MCM9: variants seen among roughly 807,000 people sequenced by gnomAD.
MCM9 encodes the protein DNA helicase MCM9.
Under a neutral mutation model 72.8 loss-of-function variants are expected in MCM9, and 55 were observed. The observed-to-expected ratio is 0.76, with a 90% CI of 0.61 to 0.95. MCM9 has a LOEUF of 0.95. MCM9 is among the 40% of genes least tolerant of loss of function. The probability of loss-of-function intolerance (pLI) is 0.00; values close to 1 mark genes in which losing one functional copy is unlikely to be tolerated. For missense variants in MCM9, 1,279 were observed against 1,377.0 expected (o/e 0.93, Z 1.13); for synonymous variants, 480 against 503.4 (o/e 0.95, Z 0.62).
chr6:118,828,365 T>G (rs1774307262), intron 10 of MCM9, among the ~76,000 whole-genome samples: 2 of 152,222 alleles, frequency 1.3e-5, no homozygotes, highest in East Asian at 3.9e-4. Context: ...GTCTGCCCAG[T>G]AATCAATAAT....
At chr6:118,830,771 C>T (rs944110995) in intron 9 of MCM9, among the ~76,000 whole-genome samples, 2 of 152,122 alleles carry the variant, frequency 1.3e-5, no homozygotes, top group Non-Finnish European at 2.9e-5. Context: ...TCTGACCAAC[C>T]AATATTTATA....
intron 9 of MCM9, among the ~76,000 whole-genome samples, chr6:118,844,943 AC>A (rs1409555958): frequency 1.3e-5 from 2 of 151,754 alleles, no homozygotes; most frequent in Non-Finnish European, 2.9e-5. Context: ...CAAGCACATA[AC>A]CCCACAATTC....
chr6:118,854,837 G>A (rs1776455393), intron 9 of MCM9, among the ~76,000 whole-genome samples: 1 of 152,052 alleles, frequency 6.6e-6, no homozygotes, highest in African/African-American at 2.4e-5. Context: ...TTTCATTTCT[G>A]GGATAAGACC....
chr6:118,853,918 T>TAA (rs1776391578), intron 9 of MCM9, among the ~76,000 whole-genome samples: 1 of 152,204 alleles, frequency 6.6e-6, no homozygotes, highest in Non-Finnish European at 1.5e-5. Flanking sequence ...TTAAGTCCTT[T>TAA]TTAATTTTCT....
intron 6 of MCM9, among the ~76,000 whole-genome samples, chr6:118,917,193 T>C (rs1289954189): frequency 1.3e-5 from 2 of 152,206 alleles, no homozygotes; most frequent in African/African-American, 2.4e-5. Flanking sequence ...ATCTTTATTA[T>C]TGAAAATACA....
At chr6:118,915,570 T>G (rs1192884212) in intron 6 of MCM9, among the ~76,000 whole-genome samples, 1 of 152,138 alleles carries the variant, frequency 6.6e-6, no homozygotes, top group Non-Finnish European at 1.5e-5. Flanking sequence ...GATCAGGTCT[T>G]AAGCAAGTCA....
chr6:118,830,891 C>G (rs1384126405), intron 9 of MCM9, among the ~76,000 whole-genome samples: 1 of 152,126 alleles, frequency 6.6e-6, no homozygotes, highest in Non-Finnish European at 1.5e-5. Context: ...AGAGGTGGAG[C>G]AGAGTGCCTG....
In MCM9 at chr6:118,911,649, C is replaced by T. The variant is rs1780557352; in HGVS notation, c.1150+1G>A. On this transcript the variant is annotated splice_donor_variant, in intron 8 of 13. Transcript: ENST00000619706. LOFTEE classifies it high-confidence loss of function. ...TTACTTGAAATTGTCACATACAATA[C>T]CTGCACTAGTAGATCCAATTCCTGT... 1.2e-6 allele frequency: 2 copies of T among 1,607,554 alleles called. No individual in the cohort carries two copies. The highest frequency in any genetic ancestry group is 1.7e-5 in the Admixed American group (1 of 59,432).
intron 13 of MCM9, among the ~76,000 whole-genome samples, chr6:118,820,805 C>T (rs943612402): frequency 1.3e-5 from 2 of 152,094 alleles, no homozygotes; most frequent in African/African-American, 2.4e-5. Context: ...TCTGGGTGCT[C>T]CTGTATTGGG....
chr6:118,830,936 G>A (rs1195699216), intron 9 of MCM9, among the ~76,000 whole-genome samples: 1 of 152,210 alleles, frequency 6.6e-6, no homozygotes, highest in Non-Finnish European at 1.5e-5. Context: ...GCTGGTGTCA[G>A]TATCAGCATT....
At chr6:118,894,968 G>C (rs929203275) in intron 8 of MCM9, among the ~76,000 whole-genome samples, 2 of 152,126 alleles carry the variant, frequency 1.3e-5, no homozygotes. Flanking sequence ...ACCCCGAGTC[G>C]AGAATTGGGC....
At chr6:118,832,077 A>T (rs558640832) in intron 9 of MCM9, among the ~76,000 whole-genome samples, 58 of 152,210 alleles carry the variant, frequency 3.8e-4, no homozygotes, top group Non-Finnish European at 2.9e-5. Context: ...TATTTTTTTT[A>T]AAAGACATGG....
At chr6:118,878,614 T>C (rs942016904) in intron 8 of MCM9, among the ~76,000 whole-genome samples, 68 of 152,216 alleles carry the variant, frequency 4.5e-4, no homozygotes, top group African/African-American at 1.6e-3. Flanking sequence ...TTACACACTA[T>C]GAAAATTGAA....
chr6:118,818,585 T>G (rs1203404885), intron 13 of MCM9, among the ~76,000 whole-genome samples: 1 of 152,208 alleles, frequency 6.6e-6, no homozygotes, highest in Non-Finnish European at 1.5e-5. Context: ...TTGTTCTTTT[T>G]GCTTAGGATT....
Position 118,815,630 on chromosome 6 carries a change from G to T in MCM9, c.2626C>A (p.Pro876Thr). ...VPAQCTVPSH[P>T]QSTPVHSPDR... ...GGGCTATGTACAGGAGTGGACTGAG[G>T]ATGGGAAGGGACTGTGCACTGTGCA... Residue 876 changes from proline to threonine, a missense_variant, in exon 14 of 14, where the codon CCT becomes ACT. By Grantham distance (38) the Pro-to-Thr change is conservative. Coordinates refer to ENST00000619706, the MANE Select transcript of MCM9 (RefSeq NM_017696.3). The T allele has an allele frequency of 6.4e-7, 1 of 1,550,502 alleles. No homozygotes were observed. Among genetic ancestry groups the T allele is most frequent in the Non-Finnish European group, 8.7e-7 (1 of 1,146,954 alleles).
Position 118,869,599 on chromosome 6 carries a change from C to CAAAAAAAA in MCM9, c.1151-13062_1151-13055dup. 4.4e-3 allele frequency among the ~76,000 whole-genome samples: 255 copies of CAAAAAAAA among 58,284 alleles called. 6 individuals are homozygous for CAAAAAAAA. The Middle Eastern group carries it at 0.062, about 14-fold the overall frequency. The allele number at this position is 58,284 out of a possible 152,430, so 38.2% of individuals were successfully genotyped here. A position where few individuals can be genotyped will look rare whatever the true frequency, so the allele number is the denominator to read the frequency against. On this transcript the variant is annotated intron_variant, in intron 8 of 13. Coordinates refer to ENST00000619706, the MANE Select transcript of MCM9 (RefSeq NM_017696.3). Reference sequence around the variant, plus strand: ...AGAGGAAAAAGAAACAAAGGATTTACAAAAAAAAAAAAAAAAAAAAGAAGC... The same window carrying CAAAAAAAA: ...AGAGGAAAAAGAAACAAAGGATTTACAAAAAAAAAAAAAAAAAAAAAAAAAAAAGAAGC...
intron 5 of MCM9, chr6:118,920,470 T>G (rs1334963705): frequency 1.3e-5 from 2 of 152,254 alleles, no homozygotes; most frequent in East Asian, 3.8e-4. Flanking sequence ...TGATATAGTT[T>G]GGATAATTGT....
chr6:118,931,643 TAGA>T lies in MCM9; in HGVS notation c.78_80del (p.Leu27del), dbSNP rs1474163006. 6.2e-7 allele frequency: 1 copy of T among 1,614,114 alleles called. No individual in the cohort carries two copies. The highest frequency in any genetic ancestry group is 1.3e-5 in the African/African-American group (1 of 75,030). The stretch of plus-strand genomic sequence containing the variant: ...CATCTTCATCCCTTTCCTTCAAGAT[TAGA>T]AGAATATCATTCTTATGGTATTCCG... On this transcript the variant is annotated inframe_deletion, in exon 3 of 14. Coordinates refer to ENST00000619706, the MANE Select transcript of MCM9 (RefSeq NM_017696.3).
At chr6:118,886,215 C>G (rs1200810689) in intron 8 of MCM9, among the ~76,000 whole-genome samples, 1 of 152,034 alleles carries the variant, frequency 6.6e-6, no homozygotes, top group Non-Finnish European at 1.5e-5. Context: ...AACCTCACAG[C>G]TAGTATCATT....
Sources: allele counts gnomAD v4.1 joint callset (sites outside exome capture counted in the v4.1 genomes callset), GRCh38; gene constraint gnomAD v4.1.1; transcripts MANE v1.5; gene names NCBI Gene and HGNC (gene_info 2026-07-23, HGNC 2026-07-21).